Variants in ADIPOR2 observed in about 807,000 individuals in gnomAD.
The protein encoded by ADIPOR2 is adiponectin receptor 2.
ADIPOR2 carries 18 observed loss-of-function variants against 40.9 expected under a neutral mutation model. The ratio of observed to expected loss-of-function variants is 0.44; its 90% CI spans 0.30 to 0.65. ADIPOR2 has a LOEUF of 0.65. Among genes scored for constraint, ADIPOR2 ranks in the 30% least tolerant of loss-of-function variants. The pLI is 0.09. For synonymous variants in ADIPOR2, 165 were observed against 166.4 expected (o/e 0.99, Z 0.06); for missense variants, 283 against 479.2 (o/e 0.59, Z 3.82).
intron 2 of ADIPOR2, among the ~76,000 whole-genome samples, chr12:1,767,747 C>T (rs1266853977): frequency 6.6e-6 from 1 of 152,130 alleles, no homozygotes; most frequent in Non-Finnish European, 1.5e-5. Context: ...TGGATATTTA[C>T]AGGGTTTTGG....
At chr12:1,772,544 T>C (rs1276692488) in intron 2 of ADIPOR2, among the ~76,000 whole-genome samples, 6 of 152,170 alleles carry the variant, frequency 3.9e-5, no homozygotes, top group Admixed American at 3.9e-4. Context: ...TGTAATATTA[T>C]TATGGGGTCT....
chr12:1,786,099 C>T lies in ADIPOR2; in HGVS notation c.*27C>T. On this transcript the variant is annotated 3_prime_UTR_variant, in exon 8 of 8. Transcript: ENST00000357103. ...ACCTACCAGTCTCCAGGGACTATGA[C>T]CCTAAACCAGGGCCTGCGGCACTTG... The T allele has an allele frequency of 6.2e-7, 1 of 1,606,136 alleles. No homozygotes were observed. The highest frequency in any genetic ancestry group is 1.1e-5 in the South Asian group (1 of 89,996).
Position 1,785,989 on chromosome 12 carries a change from TTTG to T in ADIPOR2, c.1081_1083del (p.Val361del). ...TCATATCTTTGTGGTTGCTGGAGCT[TTTG>T]TTCACTTCCATGGTGTCTCAAACCT... is the stretch of plus-strand genomic sequence containing the variant. On this transcript the variant is annotated inframe_deletion, in exon 8 of 8. Transcript: ENST00000357103. 2 of 1,614,230 alleles carry T rather than the reference TTTG, an allele frequency of 1.2e-6. No individual in the cohort carries two copies. Among genetic ancestry groups the T allele is most frequent in the Non-Finnish European group, 1.7e-6 (2 of 1,180,046 alleles).
At chr12:1,740,617 A>G (rs1039808426) in intron 1 of ADIPOR2, among the ~76,000 whole-genome samples, 6 of 152,222 alleles carry the variant, frequency 3.9e-5, no homozygotes, top group African/African-American at 1.4e-4. Context: ...AGAGGCTACA[A>G]TCAGTGCACA....
chr12:1,786,663 T>G lies in ADIPOR2; in HGVS notation c.*591T>G, dbSNP rs1473414656. 6.5e-6 allele frequency: 1 copy of G among 152,822 alleles called. No homozygotes were observed. Among genetic ancestry groups the G allele is most frequent in the African/African-American group, 2.4e-5 (1 of 41,442 alleles). The allele number at this position is 152,822 out of a possible 1,614,324, so 9.5% of individuals were successfully genotyped here. ...AAACATGCAAGTACCACACACTGTTTGAATTTTGCACAAAAAGTGACTGTA... is the reference window on the plus strand; with the variant it reads ...AAACATGCAAGTACCACACACTGTTGGAATTTTGCACAAAAAGTGACTGTA... On this transcript the variant is annotated 3_prime_UTR_variant, in exon 8 of 8. Transcript: ENST00000357103.
At chr12:1,729,385 A>G (rs1358439981) in intron 1 of ADIPOR2, among the ~76,000 whole-genome samples, 1 of 151,950 alleles carries the variant, frequency 6.6e-6, no homozygotes, top group East Asian at 1.9e-4. Flanking sequence ...CTTCTGCTTC[A>G]TTGGGACTTT....
chr12:1,760,957 A>G (rs1420536420), intron 2 of ADIPOR2: 2 of 152,186 alleles, frequency 1.3e-5, no homozygotes, highest in African/African-American at 2.4e-5. Context: ...CCTTCTGGTT[A>G]TAAGGTCACA....
chr12:1,763,918 G>T (rs1207514354), intron 2 of ADIPOR2, among the ~76,000 whole-genome samples: 1 of 152,190 alleles, frequency 6.6e-6, no homozygotes, highest in Non-Finnish European at 1.5e-5. Context: ...ATTCGAGGCT[G>T]CAGTGAGCCA....
At chr12:1,702,414 A>G (rs1281296416) in intron 1 of ADIPOR2, among the ~76,000 whole-genome samples, 1 of 152,130 alleles carries the variant, frequency 6.6e-6, no homozygotes, top group Non-Finnish European at 1.5e-5. Flanking sequence ...ATATTTTAGC[A>G]CTAGAGTATG....
At chr12:1,747,113 T>C (rs1195969328) in intron 1 of ADIPOR2, among the ~76,000 whole-genome samples, 1 of 142,306 alleles carries the variant, frequency 7.0e-6, no homozygotes, top group Non-Finnish European at 1.5e-5. Context: ...TTAACACCGC[T>C]GTAAACCAGT....
rs34061224 is a variant in ADIPOR2 at position 1,710,835 on chromosome 12, G to A, written c.-87+19644G>A. On this transcript the variant is annotated intron_variant, in intron 1 of 7. Coordinates refer to ENST00000357103, the MANE Select transcript of ADIPOR2 (RefSeq NM_024551.3). The stretch of plus-strand genomic sequence containing the variant: ...AGAAGTTGTTAGTTGAACTCATTTG[G>A]GGTTCCATTTGTAAGACCATCTATA... 3.0e-3 allele frequency among the ~76,000 whole-genome samples: 458 copies of A among 152,174 alleles called. 2 individuals carry two copies. The highest frequency in any genetic ancestry group is 4.7e-3 in the Non-Finnish European group (322 of 68,018).
chr12:1,780,584 G>A lies in ADIPOR2; in HGVS notation c.597G>A (p.Trp199Ter). 6.2e-7 allele frequency: 1 copy of A among 1,613,282 alleles called. No individual in the cohort carries two copies. The highest frequency in any genetic ancestry group is 1.7e-5 in the Admixed American group (1 of 59,886). ...LGAILCLSFS[W>*]LFHTVYCHSE... is the part of the protein sequence containing the mutation. The stretch of plus-strand genomic sequence containing the variant: ...CCATTCTCTGCCTTTCTTTTTCATG[G>A]CTCTTCCACACAGTCTACTGCCACT... Residue 199 changes from tryptophan to a stop codon, truncating the protein, a stop_gained, in exon 5 of 8, where the codon TGG becomes TGA. Coordinates refer to ENST00000357103, the MANE Select transcript of ADIPOR2 (RefSeq NM_024551.3). LOFTEE classifies it high-confidence loss of function.
intron 4 of ADIPOR2, 54 bp from the exon 5 acceptor site, chr12:1,780,397 A>G: frequency 6.8e-7 from 1 of 1,464,472 alleles, no homozygotes; most frequent in Non-Finnish European, 9.1e-7. Flanking sequence ...CAGTTATAAT[A>G]CTGTCTCTTC....
At chr12:1,702,079 G>C (rs146289137) in intron 1 of ADIPOR2, among the ~76,000 whole-genome samples, 15 of 152,098 alleles carry the variant, frequency 9.9e-5, no homozygotes, top group Admixed American at 9.8e-4. Flanking sequence ...CCGAGATCAC[G>C]CCATTGCACT....
chr12:1,747,883 T>C (rs1314938146), intron 1 of ADIPOR2, among the ~76,000 whole-genome samples: 1 of 152,264 alleles, frequency 6.6e-6, no homozygotes, highest in East Asian at 1.9e-4. Context: ...ACATTTTTAC[T>C]GTGAGGCATC....
intron 1 of ADIPOR2, among the ~76,000 whole-genome samples, chr12:1,723,348 G>A (rs936907116): frequency 2.0e-5 from 3 of 151,756 alleles, no homozygotes; most frequent in Non-Finnish European, 2.9e-5. Context: ...AATGTGGAAG[G>A]GCTGGGCACA....
At chr12:1,702,573 T>G (rs1296571615) in intron 1 of ADIPOR2, among the ~76,000 whole-genome samples, 1 of 152,102 alleles carries the variant, frequency 6.6e-6, no homozygotes, top group Non-Finnish European at 1.5e-5. Context: ...GTTAGATGAC[T>G]ATTCAAGTGT....
intron 1 of ADIPOR2, among the ~76,000 whole-genome samples, chr12:1,719,244 A>G (rs567750699): frequency 6.6e-6 from 1 of 152,296 alleles, no homozygotes; most frequent in South Asian, 2.1e-4. Context: ...TGCTTCTGGA[A>G]TGTAGCAGGG....
At chr12:1,782,953 CTTTTCTTTTT>C (rs1383300440) in intron 6 of ADIPOR2, among the ~76,000 whole-genome samples, 2 of 126,346 alleles carry the variant, frequency 1.6e-5, no homozygotes, top group Non-Finnish European at 3.5e-5. Context: ...TTTTTCTTTT[CTTTTCTTTTT>C]CTTTCTTTCT....
Sources: allele counts gnomAD v4.1 joint callset (sites outside exome capture counted in the v4.1 genomes callset), GRCh38; gene constraint gnomAD v4.1.1; transcripts MANE v1.5; gene names NCBI Gene and HGNC (gene_info 2026-07-23, HGNC 2026-07-21).